COL5A2: variants seen among roughly 807,000 people sequenced by gnomAD.
The protein encoded by COL5A2 is collagen type V alpha 2 chain.
Under a neutral mutation model 208.2 loss-of-function variants are expected in COL5A2, and 23 were observed. The observed-to-expected ratio is 0.11, with a 90% confidence interval of 0.08 to 0.16. The LOEUF is 0.16. COL5A2 is among the 10% of genes least tolerant of loss of function. The pLI, the probability that COL5A2 is intolerant of heterozygous loss-of-function variation, is 1.00. For synonymous variants in COL5A2, 625 were observed against 628.5 expected, an observed-to-expected ratio of 0.99 and a Z score of 0.08; for missense variants, 1,590 against 1,956.4, an observed-to-expected ratio of 0.81 and a Z score of 3.53.
At chr2:189,348,263 T>C in the COL5A2 span, among the ~76,000 whole-genome samples, 1 of 152,184 alleles carries the variant, frequency 6.6e-6, no homozygotes, top group Non-Finnish European at 1.5e-5. Flanking sequence ...AAACATATTA[T>C]CACCAGTGTA....
upstream of COL5A2, among the ~76,000 whole-genome samples, chr2:189,182,257 A>T (rs575762806): frequency 7.2e-4 from 109 of 152,338 alleles, no homozygotes; most frequent in South Asian, 3.5e-3. Context: ...AGTGAAGCCT[A>T]TCCTAACAGT....
intron 10 of COL5A2, 65 bp from the exon 11 acceptor site, chr2:189,085,278 CA>C (rs1686631472): frequency 7.9e-7 from 1 of 1,263,890 alleles, no homozygotes; most frequent in Non-Finnish European, 1.1e-6. Flanking sequence ...TAATACAATT[CA>C]AAACATTATT....
chr2:189,067,944 G>T, intron 21 of COL5A2, 71 bp downstream of exon 21: 2 of 1,221,512 alleles, frequency 1.6e-6, no homozygotes, highest in South Asian at 1.2e-5. Context: ...TGCATCACAT[G>T]ACATGTTATT....
At chr2:189,437,445 A>G in the COL5A2 span, among the ~76,000 whole-genome samples, 1 of 152,190 alleles carries the variant, frequency 6.6e-6, no homozygotes, top group Non-Finnish European at 1.5e-5. Context: ...CACGGACCAC[A>G]CTTTGTGCAA....
At chr2:189,296,352 A>C in the COL5A2 span, among the ~76,000 whole-genome samples, 1 of 152,112 alleles carries the variant, frequency 6.6e-6, no homozygotes, top group East Asian at 1.9e-4. Context: ...CCCATCTTTT[A>C]AATTTATTCT....
intron 6 of COL5A2, among the ~76,000 whole-genome samples, chr2:189,093,479 A>C (rs911341912): frequency 2.0e-5 from 3 of 152,306 alleles, no homozygotes; most frequent in African/African-American, 7.2e-5. Flanking sequence ...ACACAGGACA[A>C]GCTCAGGTGG....
intron 1 of COL5A2, among the ~76,000 whole-genome samples, chr2:189,114,393 C>T (rs1439412912): frequency 6.6e-6 from 1 of 152,136 alleles, no homozygotes; most frequent in Admixed American, 6.5e-5. Context: ...TCTACACAGA[C>T]ATTTACTTAA....
the COL5A2 span, among the ~76,000 whole-genome samples, chr2:189,425,242 C>T: frequency 7.6e-3 from 1,158 of 152,298 alleles, 17 homozygotes; most frequent in African/African-American, 0.027. Context: ...TTCTTGCACA[C>T]TGTTGGTGGG....
intron 1 of COL5A2, among the ~76,000 whole-genome samples, chr2:189,159,447 G>T (rs1688316460): frequency 6.6e-6 from 1 of 152,156 alleles, no homozygotes; most frequent in South Asian, 2.1e-4. Context: ...TTTAAAATCA[G>T]CAGTGTATCT....
the COL5A2 span, among the ~76,000 whole-genome samples, chr2:189,313,466 C>T: frequency 6.6e-6 from 1 of 152,146 alleles, no homozygotes; most frequent in African/African-American, 2.4e-5. Flanking sequence ...AAGTAAAGAC[C>T]ATTACCAGTC....
intron 45 of COL5A2, 145 bp downstream of exon 45, chr2:189,048,064 A>G (rs577654891): frequency 1.5e-4 from 108 of 721,668 alleles, no homozygotes; most frequent in Admixed American, 3.8e-4. Context: ...AGATATAAAA[A>G]TTATGGCTTT....
intron 1 of COL5A2, among the ~76,000 whole-genome samples, chr2:189,147,358 C>T (rs1260204370): frequency 6.6e-6 from 1 of 152,134 alleles, no homozygotes; most frequent in African/African-American, 2.4e-5. Flanking sequence ...GACAAGTTGT[C>T]AATATGATCC....
intron 1 of COL5A2, among the ~76,000 whole-genome samples, chr2:189,165,321 A>T (rs927548092): frequency 2.6e-5 from 4 of 152,162 alleles, no homozygotes; most frequent in Non-Finnish European, 5.9e-5. Flanking sequence ...ATAATTATAA[A>T]TATAAATACA....
the COL5A2 span, among the ~76,000 whole-genome samples, chr2:189,267,022 TA>T: frequency 6.6e-6 from 1 of 151,808 alleles, no homozygotes; most frequent in African/African-American, 2.4e-5. Flanking sequence ...AATGAATTGA[TA>T]AAAAGCATTG....
the COL5A2 span, among the ~76,000 whole-genome samples, chr2:189,416,787 T>A: frequency 6.6e-6 from 1 of 152,236 alleles, no homozygotes; most frequent in Non-Finnish European, 1.5e-5. Context: ...AAAACTTCTG[T>A]ATTTTGTTCT....
At chr2:189,440,917 A>G in the COL5A2 span, among the ~76,000 whole-genome samples, 1 of 152,206 alleles carries the variant, frequency 6.6e-6, no homozygotes, top group East Asian at 1.9e-4. Flanking sequence ...GAAGAAAGCT[A>G]GGCCCTAGGA....
chr2:189,290,514 T>C, the COL5A2 span, among the ~76,000 whole-genome samples: 3 of 152,104 alleles, frequency 2.0e-5, no homozygotes, highest in East Asian at 1.9e-4. Context: ...AAATTATACA[T>C]TGGGTTTTGT....
At chr2:189,311,040 C>T in the COL5A2 span, among the ~76,000 whole-genome samples, 1 of 151,970 alleles carries the variant, frequency 6.6e-6, no homozygotes, top group African/African-American at 2.4e-5. Flanking sequence ...TGTAAAGCAC[C>T]ATGCAAGTGG....
At chr2:189,258,703 T>A in the COL5A2 span, among the ~76,000 whole-genome samples, 1 of 152,156 alleles carries the variant, frequency 6.6e-6, no homozygotes, top group Admixed American at 6.5e-5. Flanking sequence ...TCCATTCATA[T>A]ATGGGATTTA....
Sources: allele counts gnomAD v4.1 joint callset (sites outside exome capture counted in the v4.1 genomes callset), GRCh38; gene constraint gnomAD v4.1.1; transcripts MANE v1.5; gene names NCBI Gene and HGNC (gene_info 2026-07-23, HGNC 2026-07-21).